Variants in RBFOX1 observed in about 807,000 individuals in gnomAD.
RBFOX1 encodes RNA binding fox-1 homolog 1, also known as RNA binding protein fox-1 homolog 1.
In RBFOX1, 8 loss-of-function variants were observed where a neutral mutation model predicts 57.7. That is an observed-to-expected ratio of 0.14 (90% confidence interval 0.08 to 0.25). The LOEUF (loss-of-function observed/expected upper bound fraction) is 0.25. RBFOX1 is among the 10% of genes least tolerant of loss of function. RBFOX1 has a pLI of 1.00. For synonymous variants in RBFOX1, 326 were observed against 222.4 expected (o/e 1.47, Z -4.15); for missense variants, 611 against 548.5 (o/e 1.11, Z -1.14).
intron 3 of RBFOX1, among the ~76,000 whole-genome samples, chr16:6,995,341 T>G (rs2092099450): frequency 3.4e-5 from 5 of 145,212 alleles, no homozygotes; most frequent in African/African-American, 5.1e-5. Flanking sequence ...TTAGAAGTGG[T>G]GATCCTGCTT....
At chr16:5,686,187 G>A (rs555176703) in intron 3 of RBFOX1, among the ~76,000 whole-genome samples, 35 of 152,166 alleles carry the variant, frequency 2.3e-4, no homozygotes, top group Non-Finnish European at 4.3e-4. Flanking sequence ...ATGTAGAAAT[G>A]TATCAAGAGG....
intron 4 of RBFOX1, among the ~76,000 whole-genome samples, chr16:7,273,449 A>T (rs1210270951): frequency 6.6e-6 from 1 of 151,974 alleles, no homozygotes; most frequent in Non-Finnish European, 1.5e-5. Context: ...TTCATTTTAG[A>T]TTCTCTCTGC....
chr16:6,869,625 C>T (rs745553340), intron 3 of RBFOX1, among the ~76,000 whole-genome samples: 2 of 152,148 alleles, frequency 1.3e-5, no homozygotes, highest in Non-Finnish European at 2.9e-5. Flanking sequence ...TAATTGGAAT[C>T]TGTTTTCAAC....
chr16:5,564,762 A>G (rs151266007), intron 2 of RBFOX1, among the ~76,000 whole-genome samples: 3 of 152,198 alleles, frequency 2.0e-5, no homozygotes, highest in South Asian at 2.1e-4. Context: ...CAAGTTCATC[A>G]TGGTCTTCTA....
chr16:6,042,347 C>T (rs1426778727), intron 1 of RBFOX1, among the ~76,000 whole-genome samples: 2 of 152,084 alleles, frequency 1.3e-5, no homozygotes, highest in Non-Finnish European at 2.9e-5. Flanking sequence ...GATTTGTCCA[C>T]CTCGGTCTCC....
intron 1 of RBFOX1, among the ~76,000 whole-genome samples, chr16:6,268,673 C>G (rs562227579): frequency 4.6e-5 from 7 of 152,142 alleles, no homozygotes; most frequent in Non-Finnish European, 1.0e-4. Context: ...CTTGGGAATA[C>G]AGTGGAAAAT....
intron 4 of RBFOX1, among the ~76,000 whole-genome samples, chr16:7,447,414 C>T (rs1317189457): frequency 2.2e-5 from 3 of 135,364 alleles, no homozygotes; most frequent in African/African-American, 5.6e-5. Context: ...GGCTGGCCAA[C>T]CGAGTGAGTC....
chr16:6,735,173 A>C (rs1193164598), intron 3 of RBFOX1, among the ~76,000 whole-genome samples: 1 of 152,130 alleles, frequency 6.6e-6, no homozygotes, highest in Non-Finnish European at 1.5e-5. Context: ...CAACATCAAC[A>C]ACAACAACAT....
chr16:7,120,754 C>T (rs2151793751), intron 4 of RBFOX1, among the ~76,000 whole-genome samples: 1 of 146,926 alleles, frequency 6.8e-6, no homozygotes, highest in East Asian at 2.0e-4. Context: ...AGATATACTT[C>T]TCAACTCAAT....
intron 4 of RBFOX1, among the ~76,000 whole-genome samples, chr16:7,165,717 C>G (rs988953195): frequency 5.3e-5 from 8 of 152,054 alleles, no homozygotes; most frequent in Admixed American, 4.6e-4. Flanking sequence ...GTGAGAGCCA[C>G]TGTGCCTAGC....
At chr16:6,517,175 C>G (rs928977020) in intron 2 of RBFOX1, among the ~76,000 whole-genome samples, 1 of 152,114 alleles carries the variant, frequency 6.6e-6, no homozygotes, top group Non-Finnish European at 1.5e-5. Context: ...AGGTCCTTGG[C>G]TCGCTTCTGA....
intron 3 of RBFOX1, among the ~76,000 whole-genome samples, chr16:6,754,908 T>C (rs750933247): frequency 6.6e-6 from 1 of 151,532 alleles, no homozygotes; most frequent in Non-Finnish European, 1.5e-5. Context: ...GCTGTGTCCA[T>C]GTGTTCTCAT....
intron 1 of RBFOX1, among the ~76,000 whole-genome samples, chr16:5,454,938 CCTT>C (rs2068566357): frequency 2.0e-5 from 1 of 48,880 alleles, no homozygotes; most frequent in East Asian, 8.4e-4. Context: ...TTCCTTCCTT[CCTT>C]CCTTCCTTCC....
chr16:6,118,721 C>T (rs1011863164), intron 1 of RBFOX1, among the ~76,000 whole-genome samples: 7 of 139,532 alleles, frequency 5.0e-5, no homozygotes, highest in Non-Finnish European at 8.9e-5. Context: ...GTTTCTCCCT[C>T]TTTCTCTCTC....
At chr16:5,878,607 A>C (rs17138790) in intron 4 of RBFOX1, among the ~76,000 whole-genome samples, 8,415 of 152,222 alleles carry the variant, frequency 0.055, 329 homozygotes, top group East Asian at 0.13. Context: ...CTTTGGAGAA[A>C]CTTCGTGACT....
At chr16:5,720,028 C>T (rs1431579680) in intron 3 of RBFOX1, among the ~76,000 whole-genome samples, 2 of 152,028 alleles carry the variant, frequency 1.3e-5, no homozygotes, top group African/African-American at 2.4e-5. Context: ...GGTTCCCATT[C>T]CCCCTCACAA....
chr16:6,114,762 C>T (rs756353905), intron 1 of RBFOX1, among the ~76,000 whole-genome samples: 12 of 152,094 alleles, frequency 7.9e-5, no homozygotes, highest in Non-Finnish European at 1.3e-4. Flanking sequence ...AAAGTTGGGG[C>T]TTAGCCTGGG....
At position 7,029,077 on chromosome 16, in the gene RBFOX1, TATATAC is replaced by T. The variant is rs1208218795; in HGVS notation, c.-15-22978_-15-22973del. 1.4e-3 allele frequency among the ~76,000 whole-genome samples: 63 copies of T among 44,558 alleles called. 1 individual carries two copies. Among genetic ancestry groups the T allele is most frequent in the Admixed American group, 1.8e-3 (6 of 3,416 alleles). The allele number at this position is 44,558 out of a possible 152,430, so 29.2% of individuals were successfully genotyped here. Reference sequence around the variant, plus strand: ...ATATATATATATATATATATATATATATATACACACACACACACACACACACACACA... The same window carrying T: ...ATATATATATATATATATATATATATACACACACACACACACACACACACA... On this transcript the variant is annotated intron_variant, in intron 3 of 15. Coordinates refer to ENST00000550418, the MANE Select transcript of RBFOX1 (RefSeq NM_018723.4).
intron 3 of RBFOX1, among the ~76,000 whole-genome samples, chr16:6,788,665 C>CG (rs1402174850): frequency 1.3e-5 from 2 of 151,764 alleles, no homozygotes; most frequent in East Asian, 3.9e-4. Context: ...TTAGTAGAGA[C>CG]GGGGTTTCAC....
Sources: allele counts gnomAD v4.1 joint callset (sites outside exome capture counted in the v4.1 genomes callset), GRCh38; gene constraint gnomAD v4.1.1; transcripts MANE v1.5; gene names NCBI Gene and HGNC (gene_info 2026-07-23, HGNC 2026-07-21).